FAAP24: variants seen among roughly 807,000 people sequenced by gnomAD.
FAAP24 encodes the protein Fanconi anemia core complex-associated protein 24.
In FAAP24, 16 loss-of-function variants were observed where a neutral mutation model predicts 14.3. The ratio of observed to expected loss-of-function variants is 1.12; its 90% confidence interval spans 0.76 to 1.69. The LOEUF (loss-of-function observed/expected upper bound fraction) is 1.69, where lower values mean the gene tolerates loss of function less well. Among genes scored for constraint, FAAP24 ranks in the 40% most tolerant of loss-of-function variants. The pLI is 0.00. For synonymous variants in FAAP24, 111 were observed against 106.2 expected, an observed-to-expected ratio of 1.04 and a Z score of -0.28; for missense variants, 234 against 262.7, an observed-to-expected ratio of 0.89 and a Z score of 0.75.
exon 5 of FAAP24, chr19:32,978,221 ACAAAAAAAT>A (rs1971544535): frequency 1.3e-5 from 2 of 152,094 alleles, no homozygotes; most frequent in Non-Finnish European, 2.9e-5. Context: ...CCCCATCTCT[ACAAAAAAAT>A]CAAAAAAATT....
Position 32,972,246 on chromosome 19 carries a change from A to G in FAAP24, c.-114A>G. On this transcript the variant is annotated 5_prime_UTR_variant, in exon 1 of 5. Coordinates refer to ENST00000588258, the MANE Select transcript of FAAP24 (RefSeq NM_152266.5). ...GACTGGGCGAGCACCGAGGGCGTGA[A>G]CCCGGAAGGTGGCGCGGCCACCAGT... The G allele has an allele frequency of 2.2e-6, 1 of 454,330 alleles. No individual in the cohort carries two copies. Among genetic ancestry groups the G allele is most frequent in the East Asian group, 3.1e-5 (1 of 31,778 alleles). 28.1% of individuals were successfully genotyped at this position (454,330 alleles called of 1,614,324 possible). A position where few individuals can be genotyped will look rare whatever the true frequency, so the allele number is the denominator to read the frequency against.
intron 3 of FAAP24, among the ~76,000 whole-genome samples, chr19:32,973,765 G>C (rs1971479211): frequency 6.6e-6 from 1 of 152,250 alleles, no homozygotes; most frequent in South Asian, 2.1e-4. Context: ...TGAGACGGGA[G>C]AATTGCTTGA....
intron 3 of FAAP24, 118 bp downstream of exon 3, chr19:32,973,680 C>A (rs1266146454): frequency 2.8e-6 from 3 of 1,071,748 alleles, no homozygotes; most frequent in Non-Finnish European, 4.1e-6. Flanking sequence ...CATGGTGAAA[C>A]CCTGTCTCTG....
At chr19:32,974,034 G>T (rs757197793) in intron 3 of FAAP24, 26 bp from the exon 4 acceptor site, 5 of 1,612,716 alleles carry the variant, frequency 3.1e-6, no homozygotes, top group South Asian at 1.1e-5. Context: ...GTTGCAAAAT[G>T]ACTTACTGTC....
At chr19:32,975,548 C>T (rs1971505849) in intron 4 of FAAP24, among the ~76,000 whole-genome samples, 1 of 151,616 alleles carries the variant, frequency 6.6e-6, no homozygotes, top group South Asian at 2.1e-4. Context: ...CAACCTCCTC[C>T]TCCTGAGTTC....
rs73037461 is a variant in FAAP24, at chr19:32,977,254, A to T, written c.*572A>T. 4 of 398,830 alleles carry T rather than the reference A, an allele frequency of 1.0e-5. No individual in the cohort carries two copies. In the East Asian group the frequency reaches 1.4e-4, roughly 14 times the overall value. The allele number at this position is 398,830 out of a possible 1,614,324, so 24.7% of individuals were successfully genotyped here. On this transcript the variant is annotated 3_prime_UTR_variant, in exon 5 of 5. Transcript: ENST00000588258. Reference sequence around the variant, plus strand: ...CTTCGCAAGAGAGTCAGGGACTCACACTCAGCAAAAAGCATTAGGGCCGAT... The same window carrying T: ...CTTCGCAAGAGAGTCAGGGACTCACTCTCAGCAAAAAGCATTAGGGCCGAT...
In FAAP24 at chr19:32,976,656, C is replaced by T. The variant is rs1160246194; in HGVS notation, c.622C>T (p.His208Tyr). The T allele has an allele frequency of 8.7e-6, 14 of 1,614,078 alleles. No individual in the cohort carries two copies. The highest frequency in any genetic ancestry group is 1.3e-5 in the African/African-American group (1 of 74,934). Residue 208 changes from histidine to tyrosine, a missense_variant, in exon 5 of 5, where the codon CAT becomes TAT. Transcript: ENST00000588258. Reference sequence around the variant, plus strand: ...CGGACAAGCAGTGGCACAGCAGATCCATGCCTTCTTCACGCAGCCCAGGTG... The same window carrying T: ...CGGACAAGCAGTGGCACAGCAGATCTATGCCTTCTTCACGCAGCCCAGGTG... ...VVGQAVAQQI[H>Y]AFFTQPR is the part of the protein sequence containing the mutation.
chr19:32,974,333 G>A (rs768344420), intron 4 of FAAP24, 121 bp downstream of exon 4: 153 of 1,234,454 alleles, frequency 1.2e-4, no homozygotes, highest in Non-Finnish European at 1.6e-4. Context: ...AAATCTCTTC[G>A]AGGAATTTAA....
rs941940851 is a variant in FAAP24, at chr19:32,976,639, C to A, written c.605C>A (p.Ala202Glu). ...IGELEQVVGQ[A>E]VAQQIHAFFT... is the part of the protein sequence containing the mutation. Reference sequence around the variant, plus strand: ...GAACTGGAGCAGGTGGTCGGACAAGCAGTGGCACAGCAGATCCATGCCTTC... The same window carrying A: ...GAACTGGAGCAGGTGGTCGGACAAGAAGTGGCACAGCAGATCCATGCCTTC... The change falls in exon 5 of 5, where the codon GCA (alanine) becomes GAA (glutamate). Residue 202 changes from alanine to glutamate, a missense_variant. Ala to Glu is a moderately radical substitution (Grantham distance 107, BLOSUM62 -1). Transcript: ENST00000588258. 1 of 1,614,194 alleles carries A rather than the reference C, an allele frequency of 6.2e-7. No individual in the cohort carries two copies. Among genetic ancestry groups the A allele is most frequent in the Non-Finnish European group, 8.5e-7 (1 of 1,180,032 alleles).
Position 32,976,736 on chromosome 19 carries a change from T to C in FAAP24, c.*54T>C. 2.5e-6 allele frequency: 4 copies of C among 1,593,926 alleles called. No individual in the cohort carries two copies. Among genetic ancestry groups the C allele is most frequent in the Non-Finnish European group, 3.4e-6 (4 of 1,169,318 alleles). ...TCCTGAGACCACAAACACCAGGATC[T>C]TGTTTTCAGCTTTAAAAACCAAGAG... On this transcript the variant is annotated 3_prime_UTR_variant, in exon 5 of 5. Transcript: ENST00000588258.
chr19:32,976,334 G>A, intron 4 of FAAP24, 97 bp from the exon 5 acceptor site: 19 of 1,465,888 alleles, frequency 1.3e-5, no homozygotes, highest in Non-Finnish European at 1.7e-5. Flanking sequence ...GTCAAGCTGA[G>A]CCAAATGGAA....
At position 32,976,763 on chromosome 19, in the gene FAAP24, A is replaced by C; in HGVS notation, c.*81A>C. On this transcript the variant is annotated 3_prime_UTR_variant, in exon 5 of 5. Coordinates refer to ENST00000588258, the MANE Select transcript of FAAP24 (RefSeq NM_152266.5). Reference sequence around the variant, plus strand: ...GTTTTCAGCTTTAAAAACCAAGAGAATGGGCCGGGTGCACTGGCTCACGCC... The same window carrying C: ...GTTTTCAGCTTTAAAAACCAAGAGACTGGGCCGGGTGCACTGGCTCACGCC... 1 of 1,547,754 alleles carries C rather than the reference A, an allele frequency of 6.5e-7. No homozygotes were observed.
chr19:32,976,560 C>G lies in FAAP24; in HGVS notation c.526C>G (p.Leu176Val). Residue 176 changes from leucine (L) to valine (V), a missense_variant, in exon 5 of 5, where the codon CTT becomes GTT. Leu to Val is a conservative substitution (Grantham distance 32). Transcript: ENST00000588258. The stretch of plus-strand genomic sequence containing the variant: ...AGGAGTTGGAAAAGTTAAAGCTCCC[C>G]TTCTCCTCCAGAAGTTTCCAAGCAT... ...IPGVGKVKAP[L>V]LLQKFPSIQQ... The G allele has an allele frequency of 6.2e-7, 1 of 1,614,164 alleles. No homozygotes were observed. The highest frequency in any genetic ancestry group is 1.1e-5 in the South Asian group (1 of 91,078).
rs770370535 is a variant in FAAP24, at chr19:32,973,391, G to C, written c.107-35G>C. Reference sequence around the variant, plus strand: ...TATTATTGCCATCTTTTCATCCAAAGCTTATGGAACTCATTTTCTTCTCTG... The same window carrying C: ...TATTATTGCCATCTTTTCATCCAAACCTTATGGAACTCATTTTCTTCTCTG... On this transcript the variant is annotated intron_variant, in intron 2 of 4. Transcript: ENST00000588258. 6.2e-6 allele frequency: 10 copies of C among 1,607,690 alleles called. No homozygotes were observed. The East Asian group carries it at 1.6e-4, about 25-fold the overall frequency.
At chr19:32,972,711 T>TTTC (rs1786352144) in intron 1 of FAAP24, among the ~76,000 whole-genome samples, 1 of 73,782 alleles carries the variant, frequency 1.4e-5, no homozygotes, top group South Asian at 5.8e-4. Flanking sequence ...TTTCTTTTTC[T>TTTC]TTTCTTTTTT....
rs1971518379 is a variant in FAAP24, at chr19:32,976,475, G to A, written c.441G>A (p.Gly147=). Residue 147 remains glycine (G), a synonymous_variant, in exon 5 of 5, where the codon GGG becomes GGA. Coordinates refer to ENST00000588258, the MANE Select transcript of FAAP24 (RefSeq NM_152266.5). ...TKEPSKNPLL[G]KKRALLLSEP... ...AGCCCAGTAAGAACCCTCTTCTCGGGAAGAAACGGGCCCTGCTGCTGTCTG... is the reference window on the plus strand; with the variant it reads ...AGCCCAGTAAGAACCCTCTTCTCGGAAAGAAACGGGCCCTGCTGCTGTCTG... The A allele has an allele frequency of 6.2e-6, 10 of 1,614,198 alleles. No homozygotes were observed. The highest frequency in any genetic ancestry group is 8.5e-6 in the Non-Finnish European group (10 of 1,180,028).
Position 32,972,259 on chromosome 19 carries a change from C to A in FAAP24, c.-101C>A. ...CCGAGGGCGTGAACCCGGAAGGTGG[C>A]GCGGCCACCAGTAACATGATCTCTA... On this transcript the variant is annotated 5_prime_UTR_variant, in exon 1 of 5. Transcript: ENST00000588258. 4.4e-6 allele frequency: 2 copies of A among 452,878 alleles called. No homozygotes were observed. Among genetic ancestry groups the A allele is most frequent in the Non-Finnish European group, 7.9e-6 (2 of 254,032 alleles). 28.1% of individuals were successfully genotyped at this position (452,878 alleles called of 1,614,324 possible).
chr19:32,977,129 G>A lies in FAAP24; in HGVS notation c.*447G>A, dbSNP rs1312483919. 18 of 403,932 alleles carry A rather than the reference G, an allele frequency of 4.5e-5. No homozygotes were observed. The South Asian group carries it at 5.6e-4, about 13-fold the overall frequency. 25.0% of individuals were successfully genotyped at this position (403,932 alleles called of 1,614,324 possible). A position where few individuals can be genotyped will look rare whatever the true frequency, so the allele number is the denominator to read the frequency against. ...ATGAGGCGAGGCTTGAATGGAGCCC[G>A]TGGGTCGTCCTGCCTTAGCGTCTGA... On this transcript the variant is annotated 3_prime_UTR_variant, in exon 5 of 5. Transcript: ENST00000588258.
intron 1 of FAAP24, 60 bp from the exon 2 acceptor site, chr19:32,973,124 G>A: frequency 7.6e-7 from 1 of 1,323,264 alleles, no homozygotes; most frequent in Non-Finnish European, 1.1e-6. Context: ...GCTTGGAGTG[G>A]AATGCAGGGC....
Sources: allele counts gnomAD v4.1 joint callset (sites outside exome capture counted in the v4.1 genomes callset), GRCh38; gene constraint gnomAD v4.1.1; transcripts MANE v1.5; gene names NCBI Gene and HGNC (gene_info 2026-07-23, HGNC 2026-07-21).